The following FNBP4 variants were observed in gnomAD, a reference collection of about 807,000 sequenced individuals.
FNBP4 encodes formin binding protein 4, also known as formin-binding protein 4.
A neutral mutation model predicts 119.3 loss-of-function variants in FNBP4; 34 were observed. That is an observed-to-expected ratio of 0.28 (90% CI 0.22 to 0.38). The LOEUF is 0.38. Ranked by LOEUF, FNBP4 falls within the 10% of genes least tolerant of loss-of-function variation. FNBP4 has a pLI of 1.00. For synonymous variants in FNBP4, 462 were observed against 430.6 expected, an observed-to-expected ratio of 1.07 and a Z score of -0.90; for missense variants, 1,112 against 1,228.9, an observed-to-expected ratio of 0.90 and a Z score of 1.42.
chr11:47,724,081 G>A lies in FNBP4; in HGVS notation c.2411C>T (p.Ser804Leu). ...TEISTAVVQR[S>L]ATIGSSPVLY... ...AACTGGAGAACTGCCAATGGTAGCT[G>A]ACCTCTGAACCACTGCAGTGCTAAT... Residue 804 changes from serine to leucine, a missense_variant, in exon 14 of 17, where the codon TCA becomes TTA. By Grantham distance (145) the Ser-to-Leu change is moderately radical (BLOSUM62 -2). Coordinates refer to ENST00000263773, the MANE Select transcript of FNBP4 (RefSeq NM_015308.5). 1 of 1,614,166 alleles carries A rather than the reference G, an allele frequency of 6.2e-7. No homozygotes were observed. The highest frequency in any genetic ancestry group is 8.5e-7 in the Non-Finnish European group (1 of 1,180,014).
At chr11:47,751,102 A>C in intron 5 of FNBP4, 41 bp downstream of exon 5, 1 of 1,613,224 alleles carries the variant, frequency 6.2e-7, no homozygotes, top group East Asian at 2.2e-5. Context: ...ATAAGGCTTC[A>C]ATTTCCTTCT....
intron 1 of FNBP4, among the ~76,000 whole-genome samples, chr11:47,766,339 A>G (rs147837380): frequency 3.3e-5 from 5 of 152,142 alleles, no homozygotes; most frequent in African/African-American, 1.2e-4. Context: ...AAAACTCTTA[A>G]AAAGTTACAT....
intron 8 of FNBP4, among the ~76,000 whole-genome samples, chr11:47,740,790 C>T (rs1002279916): frequency 6.6e-6 from 1 of 151,540 alleles, no homozygotes; most frequent in Admixed American, 6.6e-5. Flanking sequence ...CGGGGTTTCA[C>T]CATGTTGGCC....
chr11:47,724,810 C>A (rs1241337116), intron 12 of FNBP4, 32 bp from the exon 13 acceptor site: 4 of 1,518,300 alleles, frequency 2.6e-6, no homozygotes, highest in Middle Eastern at 1.8e-4. Flanking sequence ...AGGGAAAAAG[C>A]AAGAAAAAAA....
At position 47,732,262 on chromosome 11, in the gene FNBP4, C is replaced by G; in HGVS notation, c.1820+275G>C. The G allele has an allele frequency of 8.0e-7, 1 of 1,246,604 alleles. No individual in the cohort carries two copies. The highest frequency in any genetic ancestry group is 1.0e-6 in the Non-Finnish European group (1 of 989,194). The allele number at this position is 1,246,604 out of a possible 1,614,324, so 77.2% of individuals were successfully genotyped here. On this transcript the variant is annotated intron_variant, in intron 11 of 16. Transcript: ENST00000263773. The surrounding 1 kb of genome is among the most constrained non-coding windows in gnomAD (Gnocchi z 4.2). ...CTCTCGCATGCGCTTAACCCCCAAGCCCGCCCTACTCCGTGCAACACTCTG... is the reference window on the plus strand; with the variant it reads ...CTCTCGCATGCGCTTAACCCCCAAGGCCGCCCTACTCCGTGCAACACTCTG...
chr11:47,758,871 G>A (rs1256258127), intron 2 of FNBP4, among the ~76,000 whole-genome samples: 1 of 151,880 alleles, frequency 6.6e-6, no homozygotes, highest in Non-Finnish European at 1.5e-5. Flanking sequence ...AAAAGCGGGG[G>A]GGAAAAGAGA....
intron 8 of FNBP4, among the ~76,000 whole-genome samples, chr11:47,743,332 A>C (rs1015364675): frequency 2.0e-5 from 3 of 152,004 alleles, no homozygotes; most frequent in Non-Finnish European, 4.4e-5. Context: ...AAAATACAAA[A>C]AATAGCCAGG....
intron 10 of FNBP4, 87 bp downstream of exon 10, chr11:47,733,938 T>C: frequency 1.7e-6 from 1 of 596,362 alleles, no homozygotes; most frequent in Non-Finnish European, 2.7e-6. Context: ...AGGCTTAAAA[T>C]GTAAGCAAGA....
Position 47,743,983 on chromosome 11 carries a change from C to G in FNBP4, c.1426G>C (p.Gly476Arg), listed in dbSNP as rs1451496562. The change falls in exon 8 of 17, where the codon GGA (glycine) becomes CGA (arginine). Residue 476 changes from glycine (G) to arginine (R), a missense_variant. By Grantham distance (125) the Gly-to-Arg change is moderately radical (BLOSUM62 -2). Coordinates refer to ENST00000263773, the MANE Select transcript of FNBP4 (RefSeq NM_015308.5). ...ESTSRSSSKTGRDTPENGETA... is the reference protein window; with the variant it reads ...ESTSRSSSKTRRDTPENGETA... ...TCTCCATTTTCTGGAGTATCTCGTC[C>G]AGTTTTACTAGAACTCCTACTGGTA... 6.2e-7 allele frequency: 1 copy of G among 1,614,146 alleles called. No homozygotes were observed. Among genetic ancestry groups the G allele is most frequent in the East Asian group, 2.2e-5 (1 of 44,886 alleles).
chr11:47,737,546 C>T (rs1365752015), intron 8 of FNBP4, among the ~76,000 whole-genome samples: 1 of 150,912 alleles, frequency 6.6e-6, no homozygotes, highest in Non-Finnish European at 1.5e-5. Flanking sequence ...CTCAACGGAT[C>T]CTCCCACCTC....
intron 9 of FNBP4, among the ~76,000 whole-genome samples, chr11:47,734,708 C>T (rs958365617): frequency 4.6e-5 from 7 of 152,102 alleles, no homozygotes; most frequent in Non-Finnish European, 7.4e-5. Context: ...GGTGTGGTGG[C>T]TCACACCTGT....
At chr11:47,750,655 C>T (rs575370169) in intron 6 of FNBP4, among the ~76,000 whole-genome samples, 10 of 116,012 alleles carry the variant, frequency 8.6e-5, no homozygotes, top group African/African-American at 2.4e-4. Context: ...CACCACTGTA[C>T]TCCAGCCTGG....
intron 8 of FNBP4, among the ~76,000 whole-genome samples, chr11:47,743,529 AATATT>A (rs937924396): frequency 6.6e-6 from 1 of 152,136 alleles, no homozygotes; most frequent in Non-Finnish European, 1.5e-5. Context: ...TGGAGATTAA[AATATT>A]AGCTTCATCC....
At chr11:47,722,879 C>T (rs1371955118) in intron 15 of FNBP4, 97 bp downstream of exon 15, 15 of 1,350,412 alleles carry the variant, frequency 1.1e-5, no homozygotes, top group East Asian at 2.5e-5. Flanking sequence ...GCTTAAGCCA[C>T]AGTGCCCAGC....
At position 47,753,039 on chromosome 11, in the gene FNBP4, T is replaced by A; in HGVS notation, c.514A>T (p.Thr172Ser). Residue 172 changes from threonine to serine, a missense_variant, in exon 4 of 17, where the codon ACT (threonine) becomes TCT (serine). Around this residue, in one of 2 missense-constraint regions of FNBP4, gnomAD observed 286 missense variants for 240.1 expected, o/e 1.19. Transcript: ENST00000263773. ...TCCTTTGGCTCTGGTCGAGGTGGAG[T>A]TGGAGGTGGAGCAGAAGCTCCTACA... ...APVGASAPPP[T>S]PPRPEPKEAA... is the part of the protein sequence containing the mutation. The A allele has an allele frequency of 6.2e-7, 1 of 1,613,502 alleles. No individual in the cohort carries two copies. Among genetic ancestry groups the A allele is most frequent in the Non-Finnish European group, 8.5e-7 (1 of 1,179,816 alleles).
intron 7 of FNBP4, 37 bp downstream of exon 7, chr11:47,746,019 G>C: frequency 1.3e-6 from 2 of 1,530,878 alleles, no homozygotes; most frequent in Non-Finnish European, 8.8e-7. Flanking sequence ...GTAGTACTGA[G>C]GAAAAAACAT....
intron 12 of FNBP4, chr11:47,730,018 T>C (rs1196771087): frequency 6.1e-6 from 6 of 985,406 alleles, no homozygotes; most frequent in Non-Finnish European, 7.2e-6. Flanking sequence ...GTATCAACTA[T>C]GTGTGTCATA....
chr11:47,732,409 T>C lies in FNBP4; in HGVS notation c.1820+128A>G, dbSNP rs1401189624. On this transcript the variant is annotated intron_variant, in intron 11 of 16. Transcript: ENST00000263773. This position sits in a 1 kb window ranked among gnomAD's most constrained non-coding sequence, Gnocchi z 4.2. ...AACTTTGTGCTTGCGGTGCTTTGCC[T>C]GCCCAGCACCGCTAACTGCAGCTGC... The C allele has an allele frequency of 6.6e-7, 1 of 1,521,734 alleles. No individual in the cohort carries two copies. 94.3% of individuals were successfully genotyped at this position (1,521,734 alleles called of 1,614,324 possible). A position where few individuals can be genotyped will look rare whatever the true frequency, so the allele number is the denominator to read the frequency against.
chr11:47,762,257 G>A (rs2097637038), intron 2 of FNBP4, among the ~76,000 whole-genome samples: 2 of 151,494 alleles, frequency 1.3e-5, no homozygotes, highest in African/African-American at 4.9e-5. Context: ...TCAGCCTCAC[G>A]AGTAGCTGGG....
Sources: gnomAD v4.1 joint callset for allele counts (sites outside exome capture counted in the v4.1 genomes callset) on GRCh38, gnomAD v4.1.1 for gene constraint, gnomAD v4.1.1 regional missense constraint, Gnocchi (gnomAD v3.1) non-coding constraint, MANE v1.5 for transcripts, NCBI Gene and HGNC (gene_info 2026-07-23, HGNC 2026-07-21) for gene names.